KIFAP3: variants seen among roughly 807,000 people sequenced by gnomAD.
The protein encoded by KIFAP3 is kinesin-associated protein 3.
A neutral mutation model predicts 106.5 loss-of-function variants in KIFAP3; 68 were observed. That is an observed-to-expected ratio of 0.64 (90% confidence interval 0.53 to 0.78). The LOEUF is 0.78. Ranked by LOEUF, KIFAP3 falls within the 30% of genes least tolerant of loss-of-function variation. KIFAP3 has a pLI of 0.00. For synonymous variants in KIFAP3, 320 were observed against 311.5 expected, an observed-to-expected ratio of 1.03 and a Z score of -0.29; for missense variants, 780 against 941.8, an observed-to-expected ratio of 0.83 and a Z score of 2.25.
At chr1:170,002,929 T>C (rs1337790767) in intron 10 of KIFAP3, among the ~76,000 whole-genome samples, 2 of 152,154 alleles carry the variant, frequency 1.3e-5, no homozygotes, top group Non-Finnish European at 2.9e-5. Flanking sequence ...GGTAATTCTG[T>C]GATACTGGGT....
intron 19 of KIFAP3, among the ~76,000 whole-genome samples, chr1:169,945,241 T>C (rs1279239278): frequency 4.6e-5 from 7 of 151,992 alleles, no homozygotes; most frequent in African/African-American, 1.7e-4. Flanking sequence ...TGCTGCAAAA[T>C]TGGAGCAGGC....
intron 19 of KIFAP3, among the ~76,000 whole-genome samples, chr1:169,932,987 T>C (rs371611570): frequency 2.0e-5 from 3 of 152,138 alleles, no homozygotes; most frequent in Admixed American, 6.5e-5. Context: ...CAATGACTGA[T>C]AAAGATGTTT....
chr1:170,030,474 G>A lies in KIFAP3; in HGVS notation c.841+1412C>T, dbSNP rs149203798. Reference sequence around the variant, plus strand: ...CTATGACTCAGCCATTCCATCATTAGGTATTTAACTAAGAGAAAAGAAAGC... The same window carrying A: ...CTATGACTCAGCCATTCCATCATTAAGTATTTAACTAAGAGAAAAGAAAGC... On this transcript the variant is annotated intron_variant, in intron 8 of 19. Transcript: ENST00000361580. 2.8e-4 allele frequency among the ~76,000 whole-genome samples: 42 copies of A among 151,762 alleles called. 1 individual carries two copies. The highest frequency in any genetic ancestry group is 7.2e-4 in the African/African-American group (30 of 41,476).
intron 11 of KIFAP3, among the ~76,000 whole-genome samples, chr1:169,990,665 C>G (rs1230215507): frequency 6.6e-6 from 1 of 151,800 alleles, no homozygotes; most frequent in African/African-American, 2.4e-5. Flanking sequence ...TGTTAATTCC[C>G]TAAGAGTAAA....
chr1:169,986,647 T>C (rs1291016397), intron 11 of KIFAP3, among the ~76,000 whole-genome samples: 1 of 152,002 alleles, frequency 6.6e-6, no homozygotes, highest in Non-Finnish European at 1.5e-5. Flanking sequence ...AAAAATTAAA[T>C]TACAAATTAC....
chr1:169,934,668 A>C (rs528058020), intron 19 of KIFAP3, among the ~76,000 whole-genome samples: 1 of 152,172 alleles, frequency 6.6e-6, no homozygotes. Flanking sequence ...TCTGGCACTT[A>C]TAAGCAAAGC....
At chr1:170,044,421 C>T (rs917808378) in intron 3 of KIFAP3, among the ~76,000 whole-genome samples, 1 of 152,052 alleles carries the variant, frequency 6.6e-6, no homozygotes, top group African/African-American at 2.4e-5. Flanking sequence ...TTGTGGAATG[C>T]AAAAGTCTGT....
rs137870814 is a variant in KIFAP3 at position 169,968,228 on chromosome 1, G to A, written c.1983+4285C>T. 2.1e-3 allele frequency among the ~76,000 whole-genome samples: 320 copies of A among 151,998 alleles called. 1 individual carries two copies. The highest frequency in any genetic ancestry group is 2.1e-3 in the Non-Finnish European group (142 of 67,872). On this transcript the variant is annotated intron_variant, in intron 17 of 19. Coordinates refer to ENST00000361580, the MANE Select transcript of KIFAP3 (RefSeq NM_014970.4). Reference sequence around the variant, plus strand: ...CTGATGGTTTGATTTTACATGGAATGTGCCATCCTTTTTGAAGTCCTACAT... The same window carrying A: ...CTGATGGTTTGATTTTACATGGAATATGCCATCCTTTTTGAAGTCCTACAT...
Position 170,002,163 on chromosome 1 carries a change from T to C in KIFAP3, c.1184-9908A>G, listed in dbSNP as rs16862913. Among the ~76,000 whole-genome samples, 1,264 of 152,294 alleles carry C rather than the reference T, an allele frequency of 8.3e-3. 23 individuals are homozygous for C. The highest frequency in any genetic ancestry group is 0.028 in the African/African-American group (1,154 of 41,580). On this transcript the variant is annotated intron_variant, in intron 10 of 19. Transcript: ENST00000361580. ...CCGGAAGAAATCAAACATTTGTCAC[T>C]TAACTCTTGACCTGGTCTGACTCCT...
chr1:169,939,076 A>T (rs2101805043), intron 19 of KIFAP3, among the ~76,000 whole-genome samples: 1 of 152,280 alleles, frequency 6.6e-6, no homozygotes, highest in African/African-American at 2.4e-5. Flanking sequence ...CACGTGAGAG[A>T]CGTGATATGA....
rs1668154640 is a variant in KIFAP3, at chr1:170,009,813, TTAA to T, written c.1183+6646_1183+6648del. ...TTGAGACATATCAATGTCAAATGGC[TTAA>T]TAAGTTTTGACAAGGAAAAAAATTT... On this transcript the variant is annotated intron_variant, in intron 10 of 19. Coordinates refer to ENST00000361580, the MANE Select transcript of KIFAP3 (RefSeq NM_014970.4). 3.9e-5 allele frequency among the ~76,000 whole-genome samples: 6 copies of T among 152,268 alleles called. No homozygotes were observed. In the South Asian group the frequency reaches 1.2e-3, roughly 32 times the overall value.
chr1:169,945,255 G>A (rs913282185), intron 19 of KIFAP3, among the ~76,000 whole-genome samples: 10 of 152,162 alleles, frequency 6.6e-5, no homozygotes, highest in African/African-American at 1.9e-4. Flanking sequence ...AGCAGGCACC[G>A]GCAACAGGGA....
At chr1:170,005,842 A>G (rs561234395) in intron 10 of KIFAP3, among the ~76,000 whole-genome samples, 1 of 151,180 alleles carries the variant, frequency 6.6e-6, no homozygotes, top group African/African-American at 2.4e-5. Flanking sequence ...ATGTACCCTA[A>G]AACTTAAAGT....
At chr1:169,975,907 A>C (rs1666200765) in intron 16 of KIFAP3, among the ~76,000 whole-genome samples, 1 of 152,194 alleles carries the variant, frequency 6.6e-6, no homozygotes, top group Non-Finnish European at 1.5e-5. Context: ...CACCATTATC[A>C]ACATGTTATA....
chr1:170,022,958 GAA>G (rs1385097135), intron 9 of KIFAP3, among the ~76,000 whole-genome samples: 1 of 151,946 alleles, frequency 6.6e-6, no homozygotes, highest in Non-Finnish European at 1.5e-5. Flanking sequence ...TTTGAATTTT[GAA>G]AACTTACTAC....
At chr1:170,012,090 A>C (rs1419562980) in intron 10 of KIFAP3, among the ~76,000 whole-genome samples, 1 of 152,162 alleles carries the variant, frequency 6.6e-6, no homozygotes, top group East Asian at 1.9e-4. Flanking sequence ...TTTTTTAAAA[A>C]ATATACAATT....
intron 2 of KIFAP3, among the ~76,000 whole-genome samples, chr1:170,048,300 G>A (rs6697581): frequency 0.27 from 38,153 of 142,708 alleles, 5,782 homozygotes; most frequent in East Asian, 0.49. Flanking sequence ...CCTTATTTGG[G>A]TTTTTTTTTT....
At chr1:170,011,656 G>A (rs974415213) in intron 10 of KIFAP3, among the ~76,000 whole-genome samples, 11 of 151,710 alleles carry the variant, frequency 7.3e-5, no homozygotes, top group African/African-American at 1.5e-4. Flanking sequence ...ATCTTACTAC[G>A]GATTGAGGTA....
intron 2 of KIFAP3, among the ~76,000 whole-genome samples, chr1:170,051,555 CA>C (rs1307090282): frequency 6.6e-6 from 1 of 152,164 alleles, no homozygotes; most frequent in East Asian, 1.9e-4. Flanking sequence ...TTCTAAGTGC[CA>C]CATGGCACTT....
Sources: gnomAD v4.1 joint callset for allele counts (sites outside exome capture counted in the v4.1 genomes callset) on GRCh38, gnomAD v4.1.1 for gene constraint, MANE v1.5 for transcripts, NCBI Gene and HGNC (gene_info 2026-07-23, HGNC 2026-07-21) for gene names.